TRIM2: variants seen among roughly 807,000 people sequenced by gnomAD.
The protein encoded by TRIM2 is tripartite motif containing 2, also known as tripartite motif-containing protein 2.
In TRIM2, 20 loss-of-function variants were observed where a neutral mutation model predicts 75.2. That is an observed-to-expected ratio of 0.27 (90% CI 0.19 to 0.39). The LOEUF (loss-of-function observed/expected upper bound fraction) is 0.39, where lower values mean the gene tolerates loss of function less well. TRIM2 is among the 10% of genes least tolerant of loss of function. The pLI is 1.00. For missense variants in TRIM2, 660 were observed against 990.8 expected, an observed-to-expected ratio of 0.67 and a Z score of 4.48; for synonymous variants, 373 against 388.3, an observed-to-expected ratio of 0.96 and a Z score of 0.46.
chr4:153,296,093 G>T (rs1451068481), intron 6 of TRIM2, 57 bp downstream of exon 6: 1 of 1,495,840 alleles, frequency 6.7e-7, no homozygotes, highest in Non-Finnish European at 8.9e-7. Context: ...AGGGGTAACT[G>T]GGCACGTGTC....
At chr4:153,156,235 T>C (rs1406086596) in intron 1 of TRIM2, among the ~76,000 whole-genome samples, 1 of 152,208 alleles carries the variant, frequency 6.6e-6, no homozygotes. Context: ...TTCAGTTTTA[T>C]GATTTGATGC....
At chr4:153,236,320 A>G (rs1745021340) in intron 1 of TRIM2, among the ~76,000 whole-genome samples, 1 of 152,004 alleles carries the variant, frequency 6.6e-6, no homozygotes, top group Non-Finnish European at 1.5e-5. Context: ...CTTTTCTTCT[A>G]CTTATCCTCA....
In TRIM2 at chr4:153,315,520, C is replaced by G; in HGVS notation, c.1546C>G (p.Leu516Val). The G allele has an allele frequency of 6.2e-7, 1 of 1,608,290 alleles. No individual in the cohort carries two copies. Among genetic ancestry groups the G allele is most frequent in the Non-Finnish European group, 8.5e-7 (1 of 1,178,712 alleles). ...KGRNKGEFTN[L>V]QGVAASTNGK... ...AAGAAATAAAGGAGAGTTTACAAAT[C>G]TTCAGGGGGTAGCTGCATCTACAAA... Residue 516 changes from leucine to valine, a missense_variant, in exon 7 of 12, where the codon CTT (leucine) becomes GTT (valine). Transcript: ENST00000338700.
chr4:153,256,024 C>A (rs1439022738), intron 1 of TRIM2, among the ~76,000 whole-genome samples: 3 of 151,988 alleles, frequency 2.0e-5, no homozygotes, highest in Non-Finnish European at 2.9e-5. Context: ...TGAAAATGTT[C>A]CAAAATTGGC....
intron 1 of TRIM2, among the ~76,000 whole-genome samples, chr4:153,217,283 GGCTGGAAGT>G (rs1187367069): frequency 6.6e-6 from 1 of 152,120 alleles, no homozygotes; most frequent in Non-Finnish European, 1.5e-5. Context: ...GTACCCAGGA[GGCTGGAAGT>G]GCTGTCACTG....
chr4:153,321,179 C>T (rs1267457018), intron 8 of TRIM2, among the ~76,000 whole-genome samples: 9 of 152,228 alleles, frequency 5.9e-5, no homozygotes, highest in Non-Finnish European at 1.3e-4. Flanking sequence ...CAATACCACA[C>T]TCTTTAAAGA....
At chr4:153,294,748 G>A (rs1418704287) in intron 5 of TRIM2, among the ~76,000 whole-genome samples, 1 of 152,148 alleles carries the variant, frequency 6.6e-6, no homozygotes, top group Non-Finnish European at 1.5e-5. Context: ...GAGTTAAACT[G>A]GATTGTTTTC....
chr4:153,157,838 C>T (rs1035782675), intron 1 of TRIM2, among the ~76,000 whole-genome samples: 4 of 152,192 alleles, frequency 2.6e-5, no homozygotes, highest in African/African-American at 4.8e-5. Context: ...GTTCTTCCTA[C>T]GTGCTCCTTT....
intron 1 of TRIM2, among the ~76,000 whole-genome samples, chr4:153,153,488 GCAGGGTTGCCAGCGC>G (rs1241313571): frequency 1.5e-4 from 23 of 152,240 alleles, no homozygotes. Context: ...GGCGTTGAGT[GCAGGGTTGCCAGCGC>G]CGGGCTTGGA....
At chr4:153,230,170 T>G (rs866093017) in intron 1 of TRIM2, among the ~76,000 whole-genome samples, 11 of 152,286 alleles carry the variant, frequency 7.2e-5, no homozygotes, top group South Asian at 6.2e-4. Flanking sequence ...TCAATACGTT[T>G]GCCATCCACA....
intron 1 of TRIM2, among the ~76,000 whole-genome samples, chr4:153,264,553 G>A (rs1754420436): frequency 6.6e-6 from 1 of 152,170 alleles, no homozygotes; most frequent in African/African-American, 2.4e-5. Flanking sequence ...AACAAGATGG[G>A]GAAAGGAGAC....
intron 11 of TRIM2, among the ~76,000 whole-genome samples, chr4:153,332,692 A>G (rs1771753902): frequency 6.6e-6 from 1 of 152,108 alleles, no homozygotes. Context: ...GAGAAATTTT[A>G]CTGAAGAGGA....
chr4:153,270,564 C>T (rs1179393011), intron 2 of TRIM2, 45 bp downstream of exon 2: 1 of 1,493,730 alleles, frequency 6.7e-7, no homozygotes, highest in Non-Finnish European at 9.1e-7. Context: ...GCAGGCTGAC[C>T]TCCTACAACC....
intron 1 of TRIM2, among the ~76,000 whole-genome samples, chr4:153,155,135 G>A (rs1047119321): frequency 2.0e-4 from 30 of 151,860 alleles, no homozygotes; most frequent in Admixed American, 2.6e-4. Flanking sequence ...GTGAGACTCC[G>A]TCTCAAAAAA....
rs531551797 is a variant in TRIM2, at chr4:153,336,145, T to C, written c.*1179T>C. 2.4e-5 allele frequency: 22 copies of C among 916,066 alleles called. No individual in the cohort carries two copies. In the South Asian group the frequency reaches 3.6e-4, roughly 15 times the overall value. The allele number at this position is 916,066 out of a possible 1,614,324, so 56.7% of individuals were successfully genotyped here. A position where few individuals can be genotyped will look rare whatever the true frequency, so the allele number is the denominator to read the frequency against. On this transcript the variant is annotated 3_prime_UTR_variant, in exon 12 of 12. Transcript: ENST00000338700. ...ATATATATATATATACACACACACA[T>C]ATATATAGCTGAATCTTTGGTGTAT...
chr4:153,180,105 T>G (rs1003088904), intron 1 of TRIM2, among the ~76,000 whole-genome samples: 1 of 152,212 alleles, frequency 6.6e-6, no homozygotes, highest in Non-Finnish European at 1.5e-5. Flanking sequence ...ATGTATTTGC[T>G]TTCTCTTGGG....
At position 153,305,353 on chromosome 4, in the gene TRIM2, G is replaced by A. The variant is rs148444456; in HGVS notation, c.1510+9317G>A. Among the ~76,000 whole-genome samples the A allele has an allele frequency of 6.8e-3, 1,031 of 152,302 alleles. 13 individuals are homozygous for A. The highest frequency in any genetic ancestry group is 0.023 in the African/African-American group (972 of 41,558). On this transcript the variant is annotated intron_variant, in intron 6 of 11. Transcript: ENST00000338700. ...AATGCCTGGAATTAAATAGTGTCCA[G>A]TACATTTTAGAGAGGCAAAGTAGGT...
chr4:153,244,405 C>G (rs1483273314), intron 1 of TRIM2, among the ~76,000 whole-genome samples: 3 of 85,492 alleles, frequency 3.5e-5, no homozygotes, highest in Non-Finnish European at 6.4e-5. Context: ...TCTTCTTCTT[C>G]TTCTTCTTCT....
intron 1 of TRIM2, among the ~76,000 whole-genome samples, chr4:153,243,717 A>G (rs1747273270): frequency 6.6e-6 from 1 of 152,126 alleles, no homozygotes; most frequent in Non-Finnish European, 1.5e-5. Context: ...TCAACATGTC[A>G]ATCAGGCTAG....
Sources: allele counts gnomAD v4.1 joint callset (sites outside exome capture counted in the v4.1 genomes callset), GRCh38; gene constraint gnomAD v4.1.1; transcripts MANE v1.5; gene names NCBI Gene and HGNC (gene_info 2026-07-23, HGNC 2026-07-21).